ENPP2: variants seen among roughly 807,000 people sequenced by gnomAD.
ENPP2 encodes the protein ectonucleotide pyrophosphatase/phosphodiesterase 2, also known as autotaxin.
ENPP2 carries 51 observed loss-of-function variants against 120.2 expected under a neutral mutation model. That is an observed-to-expected ratio of 0.42 (90% confidence interval 0.34 to 0.54). The LOEUF (loss-of-function observed/expected upper bound fraction) is 0.54. ENPP2 is among the 20% of genes least tolerant of loss of function. The pLI is 0.04. For missense variants in ENPP2, 920 were observed against 1,066.5 expected, an observed-to-expected ratio of 0.86 and a Z score of 1.91; for synonymous variants, 365 against 366.4, an observed-to-expected ratio of 1.00 and a Z score of 0.04.
chr8:119,672,576 C>T (rs1024239969), intron 1 of ENPP2, among the ~76,000 whole-genome samples: 27 of 152,138 alleles, frequency 1.8e-4, no homozygotes, highest in African/African-American at 6.5e-4. Context: ...CACCCATAAT[C>T]AGTTAAGACC....
chr8:119,619,077 A>G (rs1815691565), intron 5 of ENPP2, among the ~76,000 whole-genome samples, 167 bp downstream of exon 5: 1 of 152,100 alleles, frequency 6.6e-6, no homozygotes, highest in Non-Finnish European at 1.5e-5. Context: ...CCATTTCAAG[A>G]CCTACCTTCA....
At position 119,590,447 on chromosome 8, in the gene ENPP2, C is replaced by G. The variant is rs1057230577; in HGVS notation, c.1207+58G>C. 27 of 1,368,304 alleles carry G rather than the reference C, an allele frequency of 2.0e-5. No individual in the cohort carries two copies. In the African/African-American group the frequency reaches 3.4e-4, roughly 17 times the overall value. The allele number at this position is 1,368,304 out of a possible 1,614,324, so 84.8% of individuals were successfully genotyped here. A position where few individuals can be genotyped will look rare whatever the true frequency, so the allele number is the denominator to read the frequency against. On this transcript the variant is annotated intron_variant, in intron 13 of 24. Coordinates refer to ENST00000075322, the MANE Select transcript of ENPP2 (RefSeq NM_001040092.3). ...GTATTTCAGCTTTAGAAAACAAGCC[C>G]TTACCTATTCCTTTGTATTACCACT...
At chr8:119,631,592 G>T (rs1399861712) in intron 2 of ENPP2, among the ~76,000 whole-genome samples, 1 of 151,994 alleles carries the variant, frequency 6.6e-6, no homozygotes, top group Non-Finnish European at 1.5e-5. Context: ...CAATGGAAAA[G>T]ACCATCTTGA....
chr8:119,573,812 A>G (rs1272973263), intron 19 of ENPP2, among the ~76,000 whole-genome samples: 2 of 152,180 alleles, frequency 1.3e-5, no homozygotes, highest in Non-Finnish European at 2.9e-5. Context: ...CTGTCTCAGA[A>G]AAAAAAGAAA....
At chr8:119,572,836 G>A (rs1815119454) in intron 19 of ENPP2, 1 of 153,184 alleles carries the variant, frequency 6.5e-6, no homozygotes, top group African/African-American at 2.4e-5. Flanking sequence ...ATGCCATGTG[G>A]TCTGCACCAT....
chr8:119,562,304 A>C (rs1196153322), intron 24 of ENPP2, among the ~76,000 whole-genome samples: 1 of 137,914 alleles, frequency 7.3e-6, no homozygotes, highest in East Asian at 2.3e-4. Flanking sequence ...TTAGCTGGGC[A>C]TGGTGGTGCC....
At chr8:119,590,432 T>G (rs1300949298) in intron 13 of ENPP2, 73 bp downstream of exon 13, 4 of 1,232,810 alleles carry the variant, frequency 3.2e-6, no homozygotes, top group Non-Finnish European at 4.3e-6. Flanking sequence ...GTATTTCAGC[T>G]TTAGAAAACA....
intron 1 of ENPP2, among the ~76,000 whole-genome samples, chr8:119,667,125 A>G (rs1818096054): frequency 6.6e-6 from 1 of 152,204 alleles, no homozygotes; most frequent in African/African-American, 2.4e-5. Flanking sequence ...GGACCATACC[A>G]GGAAACCAGG....
intron 2 of ENPP2, among the ~76,000 whole-genome samples, chr8:119,630,836 T>C (rs1816610695): frequency 1.3e-5 from 2 of 152,080 alleles, no homozygotes; most frequent in African/African-American, 2.4e-5. Context: ...TTGAGCCATA[T>C]AGAACCTCTT....
intron 1 of ENPP2, among the ~76,000 whole-genome samples, chr8:119,648,004 C>T (rs969819276): frequency 6.6e-6 from 1 of 152,002 alleles, no homozygotes; most frequent in African/African-American, 2.4e-5. Flanking sequence ...AAATTCCATC[C>T]CCAAAAAAAG....
At chr8:119,572,203 T>C (rs1030498902) in intron 19 of ENPP2, 4 of 1,555,066 alleles carry the variant, frequency 2.6e-6, no homozygotes, top group South Asian at 1.2e-5. Context: ...TTTCCATTAA[T>C]GTTTTCCTTG....
chr8:119,635,594 A>G (rs1438665701), intron 2 of ENPP2, among the ~76,000 whole-genome samples: 1 of 152,226 alleles, frequency 6.6e-6, no homozygotes, highest in Non-Finnish European at 1.5e-5. Flanking sequence ...TGAGAAAAAG[A>G]TGTCAAACTA....
chr8:119,657,898 G>T (rs1465453151), intron 1 of ENPP2, among the ~76,000 whole-genome samples: 1 of 152,146 alleles, frequency 6.6e-6, no homozygotes, highest in South Asian at 2.1e-4. Context: ...CTCAGCATTG[G>T]TGCTCACAGC....
intron 1 of ENPP2, among the ~76,000 whole-genome samples, chr8:119,660,412 A>C (rs16892921): frequency 0.02 from 3,109 of 152,288 alleles, 109 homozygotes; most frequent in African/African-American, 0.07. Flanking sequence ...GGATGTAAGC[A>C]GTGTGGCCCC....
intron 18 of ENPP2, among the ~76,000 whole-genome samples, chr8:119,582,089 G>A (rs1332862047): frequency 6.6e-6 from 1 of 152,130 alleles, no homozygotes; most frequent in Non-Finnish European, 1.5e-5. Flanking sequence ...TCGGGACCAT[G>A]ACTAATAGAC....
chr8:119,561,884 A>G (rs1813978442), intron 24 of ENPP2, among the ~76,000 whole-genome samples: 1 of 151,974 alleles, frequency 6.6e-6, no homozygotes, highest in South Asian at 2.1e-4. Flanking sequence ...CACGCCTGTA[A>G]TCCCAGCACT....
chr8:119,663,119 CAAA>C (rs34922221), intron 1 of ENPP2, among the ~76,000 whole-genome samples: 6 of 120,406 alleles, frequency 5.0e-5, no homozygotes, highest in African/African-American at 6.8e-5. Context: ...ACTCTTGTCT[CAAA>C]AAAAAAAAAA....
chr8:119,598,541 A>T (rs1814063899), intron 11 of ENPP2, among the ~76,000 whole-genome samples: 1 of 152,144 alleles, frequency 6.6e-6, no homozygotes, highest in Non-Finnish European at 1.5e-5. Flanking sequence ...AAAAAAACTT[A>T]TTTGTTTCTT....
chr8:119,594,837 T>C (rs528905457), intron 11 of ENPP2, among the ~76,000 whole-genome samples: 1 of 152,354 alleles, frequency 6.6e-6, no homozygotes, highest in South Asian at 2.1e-4. Context: ...GATGTGAATA[T>C]CATTTTTACT....
Sources: gnomAD v4.1 joint callset for allele counts (sites outside exome capture counted in the v4.1 genomes callset) on GRCh38, gnomAD v4.1.1 for gene constraint, MANE v1.5 for transcripts, NCBI Gene and HGNC (gene_info 2026-07-23, HGNC 2026-07-21) for gene names.